The following ITPR1 variants were observed in gnomAD, a reference collection of about 807,000 sequenced individuals.
ITPR1 encodes the protein inositol 1,4,5-trisphosphate-gated calcium channel ITPR1.
Under a neutral mutation model 318.4 loss-of-function variants are expected in ITPR1, and 96 were observed. That is an observed-to-expected ratio of 0.30 (90% CI 0.26 to 0.36). The LOEUF is 0.36. ITPR1 is among the 10% of genes least tolerant of loss of function. The probability of loss-of-function intolerance (pLI) is 1.00; values close to 1 mark genes in which losing one functional copy is unlikely to be tolerated. For missense variants in ITPR1, 2,440 were observed against 3,460.2 expected (o/e 0.71, Z 7.40); for synonymous variants, 1,312 against 1,289.9 (o/e 1.02, Z -0.37).
At chr3:4,707,089 A>T (rs1019084823) in intron 37 of ITPR1, among the ~76,000 whole-genome samples, 4 of 152,196 alleles carry the variant, frequency 2.6e-5, no homozygotes, top group Non-Finnish European at 4.4e-5. Context: ...AATCTTGGGA[A>T]AGTTACTTGA....
chr3:4,538,879 G>C (rs898445063), intron 4 of ITPR1, among the ~76,000 whole-genome samples: 18 of 152,132 alleles, frequency 1.2e-4, no homozygotes, highest in African/African-American at 4.3e-4. Flanking sequence ...CCTTTTAGGG[G>C]ATGGGTGAGG....
At chr3:4,712,849 AT>A (rs1433406852) in intron 39 of ITPR1, among the ~76,000 whole-genome samples, 2 of 152,268 alleles carry the variant, frequency 1.3e-5, no homozygotes, top group African/African-American at 4.8e-5. Context: ...ACCACGGGGC[AT>A]AATCTGTAAG....
intron 47 of ITPR1, 141 bp from the exon 48 acceptor site, chr3:4,777,123 C>T: frequency 1.9e-6 from 1 of 519,462 alleles, no homozygotes; most frequent in Non-Finnish European, 3.5e-6. Flanking sequence ...ACCACTTTCT[C>T]ACGGAAAATT....
In ITPR1 at chr3:4,516,563, T is replaced by C; in HGVS notation, c.72T>C (p.Asn24=). 1 of 1,602,912 alleles carries C rather than the reference T, an allele frequency of 6.2e-7. No homozygotes were observed. Among genetic ancestry groups the C allele is most frequent in the South Asian group, 1.1e-5 (1 of 88,914 alleles). ...CTCTGTACGCGGAGGGATCGACAAA[T>C]GGATTTATTAGCACCTTGGGGTAAG... ...ICSLYAEGST[N]GFISTLGLVD... The change falls in exon 3 of 62, where the codon AAT becomes AAC. Residue 24 remains asparagine (N), a synonymous_variant. Transcript: ENST00000649015.
intron 4 of ITPR1, among the ~76,000 whole-genome samples, chr3:4,593,189 A>G (rs961835287): frequency 2.0e-5 from 3 of 152,198 alleles, no homozygotes; most frequent in East Asian, 1.9e-4. Flanking sequence ...GATCATTGCT[A>G]TGGCACTTGG....
At chr3:4,741,112 A>C (rs974411461) in intron 44 of ITPR1, among the ~76,000 whole-genome samples, 1 of 152,150 alleles carries the variant, frequency 6.6e-6, no homozygotes, top group Admixed American at 6.5e-5. Flanking sequence ...GCCTGGGGGA[A>C]GTTCCCTTCG....
At chr3:4,776,748 G>A (rs370880601) in intron 47 of ITPR1, among the ~76,000 whole-genome samples, 1 of 152,184 alleles carries the variant, frequency 6.6e-6, no homozygotes, top group East Asian at 1.9e-4. Flanking sequence ...TGCCAAATAG[G>A]GGCCTGTTGA....
chr3:4,842,263 C>A (rs1470520013), intron 61 of ITPR1, among the ~76,000 whole-genome samples: 1 of 152,234 alleles, frequency 6.6e-6, no homozygotes, highest in South Asian at 2.1e-4. Context: ...AGGAGGAATG[C>A]TGAAATTCAA....
At chr3:4,557,186 C>G (rs975928551) in intron 4 of ITPR1, among the ~76,000 whole-genome samples, 2 of 152,156 alleles carry the variant, frequency 1.3e-5, no homozygotes, top group Non-Finnish European at 2.9e-5. Context: ...TTAATTGAAT[C>G]ACAGTTCCAC....
At chr3:4,597,621 A>G (rs540081960) in intron 4 of ITPR1, among the ~76,000 whole-genome samples, 12 of 152,326 alleles carry the variant, frequency 7.9e-5, no homozygotes, top group Admixed American at 1.3e-4. Flanking sequence ...AAGGGGGCAC[A>G]TTCTAGGCAC....
intron 35 of ITPR1, among the ~76,000 whole-genome samples, chr3:4,702,004 TTG>T (rs2094663885): frequency 6.6e-6 from 1 of 152,228 alleles, no homozygotes; most frequent in Non-Finnish European, 1.5e-5. Flanking sequence ...GCTATGCAAG[TTG>T]TCCCCTCTGA....
intron 52 of ITPR1, among the ~76,000 whole-genome samples, chr3:4,794,414 G>A (rs540163141): frequency 3.3e-5 from 5 of 152,170 alleles, no homozygotes; most frequent in African/African-American, 4.8e-5. Context: ...TGCTGACCAC[G>A]AGGTCAGCAA....
chr3:4,531,413 C>T (rs1312358724), intron 4 of ITPR1, among the ~76,000 whole-genome samples: 1 of 152,210 alleles, frequency 6.6e-6, no homozygotes, highest in African/African-American at 2.4e-5. Context: ...CCTTTGCCTC[C>T]TTTGTGTCTG....
chr3:4,644,583 T>G lies in ITPR1; in HGVS notation c.624+349T>G, dbSNP rs76252109. ...AATTTGTCTCCATATACAGGGTGCC[T>G]CTTTTTAACTGTTCAAAAAGGAACA... On this transcript the variant is annotated intron_variant, in intron 8 of 61. Coordinates refer to ENST00000649015, the MANE Select transcript of ITPR1 (RefSeq NM_001378452.1). Among the ~76,000 whole-genome samples the G allele has an allele frequency of 3.1e-3, 476 of 152,346 alleles. 17 individuals carry two copies. In the East Asian group the frequency reaches 0.075, roughly 24 times the overall value.
intron 8 of ITPR1, among the ~76,000 whole-genome samples, chr3:4,644,614 G>T (rs1575867453): frequency 6.6e-6 from 1 of 152,172 alleles, no homozygotes; most frequent in South Asian, 2.1e-4. Flanking sequence ...GAACACTGCA[G>T]CTTATCAGCA....
At chr3:4,754,459 C>G (rs895214622) in intron 44 of ITPR1, among the ~76,000 whole-genome samples, 5 of 152,148 alleles carry the variant, frequency 3.3e-5, no homozygotes, top group Non-Finnish European at 7.4e-5. Context: ...CCACAGTGAT[C>G]ATGTGGGTGA....
chr3:4,779,574 G>T lies in ITPR1; in HGVS notation c.6316G>T (p.Ala2106Ser). The T allele has an allele frequency of 6.2e-7, 1 of 1,612,402 alleles. No individual in the cohort carries two copies. The highest frequency in any genetic ancestry group is 1.1e-5 in the South Asian group (1 of 91,054). The stretch of plus-strand genomic sequence containing the variant: ...GAACAATGCCTCGAAGTTGCTCCTG[G>T]CCATCATGGAAAGCAGGCACGACAG... ...LKNNASKLLL[A>S]IMESRHDSEN... Residue 2106 changes from alanine (A) to serine (S), a missense_variant, in exon 49 of 62, where the codon GCC becomes TCC. Physicochemically the swap from Ala to Ser is moderately conservative, Grantham distance 99. Around this residue, in one of 23 missense-constraint regions of ITPR1, gnomAD observed 76 missense variants for 162.1 expected, o/e 0.47. Coordinates refer to ENST00000649015, the MANE Select transcript of ITPR1 (RefSeq NM_001378452.1). The surrounding 1 kb of genome is among the most constrained non-coding windows in gnomAD (Gnocchi z 4.0).
At chr3:4,619,884 T>C (rs1310656532) in intron 4 of ITPR1, among the ~76,000 whole-genome samples, 1 of 149,850 alleles carries the variant, frequency 6.7e-6, no homozygotes, top group Non-Finnish European at 1.5e-5. Flanking sequence ...CTTCCATTTC[T>C]CTTTGTTTTT....
intron 5 of ITPR1, among the ~76,000 whole-genome samples, chr3:4,633,143 G>C (rs941658623): frequency 1.3e-5 from 2 of 151,880 alleles, no homozygotes; most frequent in Non-Finnish European, 2.9e-5. Context: ...TCACCATTTT[G>C]GCCAGGATGG....
Sources: gnomAD v4.1 joint callset for allele counts (sites outside exome capture counted in the v4.1 genomes callset) on GRCh38, gnomAD v4.1.1 for gene constraint, gnomAD v4.1.1 regional missense constraint, Gnocchi (gnomAD v3.1) non-coding constraint, MANE v1.5 for transcripts, NCBI Gene and HGNC (gene_info 2026-07-23, HGNC 2026-07-21) for gene names.